LIN7A: variants seen among roughly 807,000 people sequenced by gnomAD.
LIN7A encodes the protein lin-7 cell polarity scaffold A, also known as protein lin-7 homolog A.
A neutral mutation model predicts 29.8 loss-of-function variants in LIN7A; 25 were observed. The observed-to-expected ratio is 0.84, with a 90% CI of 0.61 to 1.17. LIN7A has a LOEUF of 1.17. Among genes scored for constraint, LIN7A ranks in the 50% most tolerant of loss-of-function variants. The pLI, the probability that LIN7A is intolerant of heterozygous loss-of-function variation, is 0.00. For synonymous variants in LIN7A, 118 were observed against 107.5 expected (o/e 1.10, Z -0.60); for missense variants, 239 against 287.0 (o/e 0.83, Z 1.21).
At chr12:80,913,562 TA>T (rs1283116135) in intron 1 of LIN7A, among the ~76,000 whole-genome samples, 1 of 152,190 alleles carries the variant, frequency 6.6e-6, no homozygotes, top group Non-Finnish European at 1.5e-5. Context: ...AAGAGAAGGC[TA>T]AAACAGCGAG....
intron 1 of LIN7A, among the ~76,000 whole-genome samples, chr12:80,932,153 G>T (rs1177132493): frequency 1.3e-5 from 2 of 152,162 alleles, no homozygotes; most frequent in Admixed American, 1.3e-4. Flanking sequence ...GAAGTAATAA[G>T]CTCTGCCTGC....
At chr12:80,858,331 T>C (rs1265878605) in intron 2 of LIN7A, among the ~76,000 whole-genome samples, 1 of 152,160 alleles carries the variant, frequency 6.6e-6, no homozygotes, top group East Asian at 1.9e-4. Flanking sequence ...TCCCTACCTA[T>C]TTTTATAATT....
rs374349839 is a variant in LIN7A, at chr12:80,807,063, G to GTTTTTTTTTGTTTTTTTT, written c.*4401_*4402insAAAAAAAACAAAAAAAAA. 6.9e-3 allele frequency among the ~76,000 whole-genome samples: 367 copies of GTTTTTTTTTGTTTTTTTT among 53,526 alleles called. 30 individuals carry two copies. Among genetic ancestry groups the GTTTTTTTTTGTTTTTTTT allele is most frequent in the Middle Eastern group, 0.026 (3 of 116 alleles). 35.1% of individuals were successfully genotyped at this position (53,526 alleles called of 152,430 possible). A position where few individuals can be genotyped will look rare whatever the true frequency, so the allele number is the denominator to read the frequency against. On this transcript the variant is annotated intron_variant, in intron 5 of 5. Transcript: ENST00000552864. Reference sequence around the variant, plus strand: ...CCATAGGAAATTTAATGAAGATGGAGTTTTTTTTTTTTTTTTTTTTTTTTT... The same window carrying GTTTTTTTTTGTTTTTTTT: ...CCATAGGAAATTTAATGAAGATGGAGTTTTTTTTTGTTTTTTTTTTTTTTTTTTTTTTTTTTTTTTTTT...
At chr12:80,800,307 T>A (rs1490704959) in intron 5 of LIN7A, among the ~76,000 whole-genome samples, 1 of 151,794 alleles carries the variant, frequency 6.6e-6, no homozygotes, top group African/African-American at 2.4e-5. Flanking sequence ...CTGACCAACA[T>A]GGAGAAAACT....
At chr12:80,817,101 C>T (rs1871572647) in intron 4 of LIN7A, among the ~76,000 whole-genome samples, 1 of 152,142 alleles carries the variant, frequency 6.6e-6, no homozygotes, top group African/African-American at 2.4e-5. Flanking sequence ...GCATTCTGTT[C>T]ATTCAATAGT....
intron 2 of LIN7A, among the ~76,000 whole-genome samples, chr12:80,855,330 G>T (rs975519331): frequency 6.6e-6 from 1 of 151,994 alleles, no homozygotes; most frequent in Non-Finnish European, 1.5e-5. Context: ...AGTAAGAATG[G>T]TTTTTTAATA....
intron 1 of LIN7A, among the ~76,000 whole-genome samples, chr12:80,890,748 T>C (rs1875578656): frequency 6.6e-6 from 1 of 152,162 alleles, no homozygotes. Context: ...CATAGTCAAC[T>C]GGACAAAACC....
At chr12:80,891,606 G>A (rs562536930) in intron 1 of LIN7A, among the ~76,000 whole-genome samples, 88 of 152,226 alleles carry the variant, frequency 5.8e-4, no homozygotes, top group African/African-American at 2.0e-3. Context: ...TTGCTTTCAC[G>A]GAACTCACAG....
At position 80,918,826 on chromosome 12, in the gene LIN7A, A is replaced by G. The variant is rs1592950116; in HGVS notation, c.82+18815T>C. On this transcript the variant is annotated intron_variant, in intron 1 of 5. Coordinates refer to ENST00000552864, the MANE Select transcript of LIN7A (RefSeq NM_004664.4). The stretch of plus-strand genomic sequence containing the variant: ...ATAAGCAAATACAGTCATGGACTAC[A>G]TAACATTTCAGTCAATGAGGAGCTG... Among the ~76,000 whole-genome samples the G allele has an allele frequency of 4.0e-5, 6 of 151,380 alleles. No individual in the cohort carries two copies. The South Asian group carries it at 1.0e-3, about 26-fold the overall frequency.
chr12:80,804,936 G>A (rs565436389), intron 5 of LIN7A, among the ~76,000 whole-genome samples: 2,506 of 152,148 alleles, frequency 0.016, 69 homozygotes, highest in African/African-American at 0.057. Context: ...TCTGTTGATG[G>A]ACACTTAGGT....
chr12:80,900,424 A>C (rs1876151689), intron 1 of LIN7A, among the ~76,000 whole-genome samples: 1 of 152,144 alleles, frequency 6.6e-6, no homozygotes, highest in Admixed American at 6.5e-5. Flanking sequence ...CCCTCTTAAC[A>C]CTGCTTTAGC....
chr12:80,932,216 T>C (rs1275138025), intron 1 of LIN7A, among the ~76,000 whole-genome samples: 1 of 152,220 alleles, frequency 6.6e-6, no homozygotes, highest in Non-Finnish European at 1.5e-5. Flanking sequence ...ACAAATTCTA[T>C]GACAAGTGTG....
chr12:80,807,161 T>C (rs1871082465), intron 5 of LIN7A, among the ~76,000 whole-genome samples: 1 of 142,846 alleles, frequency 7.0e-6, no homozygotes, highest in Non-Finnish European at 1.5e-5. Context: ...AAGCTCCGCC[T>C]CTTGGGTTCA....
intron 1 of LIN7A, among the ~76,000 whole-genome samples, chr12:80,929,004 A>G (rs866688848): frequency 2.8e-4 from 43 of 152,286 alleles, no homozygotes; most frequent in Middle Eastern, 3.4e-3. Context: ...CTACATTATT[A>G]ATATTAACTA....
intron 4 of LIN7A, 42 bp from the exon 5 acceptor site, chr12:80,811,725 G>A: frequency 6.4e-7 from 1 of 1,571,632 alleles, no homozygotes; most frequent in Non-Finnish European, 8.7e-7. Flanking sequence ...GAGGTTCAAT[G>A]TTCTTTTCCC....
intron 1 of LIN7A, among the ~76,000 whole-genome samples, chr12:80,918,672 C>T (rs1331411144): frequency 1.3e-5 from 2 of 152,150 alleles, no homozygotes; most frequent in African/African-American, 2.4e-5. Flanking sequence ...TTTTATCTGG[C>T]ACATCTTGAT....
Position 80,884,474 on chromosome 12 carries a change from T to C in LIN7A, c.201+4777A>G, listed in dbSNP as rs537954948. 3.3e-5 allele frequency among the ~76,000 whole-genome samples: 5 copies of C among 152,322 alleles called. No homozygotes were observed. In the East Asian group the frequency reaches 9.6e-4, roughly 29 times the overall value. ...AACCAGACTGATTGATAATTTATCA[T>C]ATAAAACATTACTAGTCGTCTAGCA... On this transcript the variant is annotated intron_variant, in intron 2 of 5. Coordinates refer to ENST00000552864, the MANE Select transcript of LIN7A (RefSeq NM_004664.4).
At chr12:80,929,666 T>G (rs1329252791) in intron 1 of LIN7A, among the ~76,000 whole-genome samples, 1 of 152,206 alleles carries the variant, frequency 6.6e-6, no homozygotes, top group Non-Finnish European at 1.5e-5. Flanking sequence ...ACGTAGCCTC[T>G]GGGATCACCA....
chr12:80,822,128 G>A (rs998637261), intron 4 of LIN7A, among the ~76,000 whole-genome samples: 3 of 152,150 alleles, frequency 2.0e-5, no homozygotes, highest in African/African-American at 7.2e-5. Flanking sequence ...CATAGCTGGG[G>A]AGGCCTCACA....
Sources: gnomAD v4.1 joint callset for allele counts (sites outside exome capture counted in the v4.1 genomes callset) on GRCh38, gnomAD v4.1.1 for gene constraint, MANE v1.5 for transcripts, NCBI Gene and HGNC (gene_info 2026-07-23, HGNC 2026-07-21) for gene names.